Variants in ITPR2 observed in about 807,000 individuals in gnomAD.
ITPR2 encodes the protein inositol 1,4,5-trisphosphate receptor type 2.
ITPR2 carries 207 observed loss-of-function variants against 317.1 expected under a neutral mutation model. That is an observed-to-expected ratio of 0.65 (90% confidence interval 0.58 to 0.73). The LOEUF (loss-of-function observed/expected upper bound fraction) is 0.73, where lower values mean the gene tolerates loss of function less well. ITPR2 is among the 30% of genes least tolerant of loss of function. The probability of loss-of-function intolerance (pLI) is 0.00; values close to 1 mark genes in which losing one functional copy is unlikely to be tolerated. For synonymous variants in ITPR2, 1,156 were observed against 1,149.1 expected (o/e 1.01, Z -0.12); for missense variants, 2,613 against 3,284.0 (o/e 0.80, Z 4.99).
At chr12:26,522,332 C>T (rs573885969) in intron 37 of ITPR2, among the ~76,000 whole-genome samples, 92 of 152,176 alleles carry the variant, frequency 6.0e-4, no homozygotes, top group Middle Eastern at 3.2e-3. Flanking sequence ...CATGAAGTAG[C>T]CACCAATCCT....
At chr12:26,375,317 A>T (rs1220823379) in intron 55 of ITPR2, among the ~76,000 whole-genome samples, 3 of 152,230 alleles carry the variant, frequency 2.0e-5, no homozygotes, top group Non-Finnish European at 4.4e-5. Flanking sequence ...TAAGTCTAAA[A>T]TAAATGACTT....
chr12:26,459,795 C>T (rs1385985250), intron 45 of ITPR2, among the ~76,000 whole-genome samples: 1 of 152,200 alleles, frequency 6.6e-6, no homozygotes, highest in Non-Finnish European at 1.5e-5. Flanking sequence ...TGTCTCCGTA[C>T]ATCTATGCTC....
Position 26,656,333 on chromosome 12 carries a change from A to G in ITPR2, c.2408T>C (p.Leu803Pro). 6.2e-7 allele frequency: 1 copy of G among 1,614,196 alleles called. No individual in the cohort carries two copies. The highest frequency in any genetic ancestry group is 2.2e-5 in the East Asian group (1 of 44,880). ...GATCTTTGTGGGGATTTCTGTCCAGAGCCTGGCATAGCGAACAGGCACCAC... is the reference window on the plus strand; with the variant it reads ...GATCTTTGTGGGGATTTCTGTCCAGGGCCTGGCATAGCGAACAGGCACCAC... The part of the protein sequence containing the change: ...ESVVPVRYAR[L>P]WTEIPTKITI... Residue 803 changes from leucine to proline, a missense_variant, in exon 19 of 57, where the codon CTC becomes CCC. Around this residue, in one of 9 missense-constraint regions of ITPR2, gnomAD observed 817 missense variants for 897.6 expected, o/e 0.91. Coordinates refer to ENST00000381340, the MANE Select transcript of ITPR2 (RefSeq NM_002223.4).
chr12:26,815,686 T>C (rs1315989865), intron 1 of ITPR2, among the ~76,000 whole-genome samples: 1 of 152,082 alleles, frequency 6.6e-6, no homozygotes, highest in Non-Finnish European at 1.5e-5. Context: ...CTACCTGCAA[T>C]TGAGTAGCGT....
At chr12:26,621,356 AT>A in intron 25 of ITPR2, 60 bp from the exon 26 acceptor site, 1 of 1,333,090 alleles carries the variant, frequency 7.5e-7, no homozygotes, top group Non-Finnish European at 1.0e-6. Context: ...ATTTATGAAT[AT>A]TTTAGATGTA....
At position 26,773,998 on chromosome 12, in the gene ITPR2, T is replaced by TC. The variant is rs1949915549; in HGVS notation, c.163+16158_163+16159insG. The stretch of plus-strand genomic sequence containing the variant: ...ACTGGAGAATTTTTTTTTTTTTTTT[T>TC]TTTTTTTTTTTTAGTATAAAGCATG... On this transcript the variant is annotated intron_variant, in intron 2 of 56. Transcript: ENST00000381340. 2.1e-5 allele frequency among the ~76,000 whole-genome samples: 3 copies of TC among 142,756 alleles called. No homozygotes were observed. The South Asian group carries it at 6.7e-4, about 32-fold the overall frequency. The allele number at this position is 142,756 out of a possible 152,430, so 93.7% of individuals were successfully genotyped here.
chr12:26,461,068 T>C lies in ITPR2; in HGVS notation c.6342+14228A>G, dbSNP rs114536311. On this transcript the variant is annotated intron_variant, in intron 45 of 56. Transcript: ENST00000381340. The stretch of plus-strand genomic sequence containing the variant: ...TTTATGAGCAGGCTTCCACTGTCCA[T>C]AGAATGCTTAAATCACAGAACCACA... Among the ~76,000 whole-genome samples, 977 of 152,298 alleles carry C rather than the reference T, an allele frequency of 6.4e-3. 18 individuals are homozygous for C. The highest frequency in any genetic ancestry group is 0.022 in the African/African-American group (933 of 41,550).
intron 2 of ITPR2, among the ~76,000 whole-genome samples, chr12:26,771,575 T>A (rs369681001): frequency 6.6e-6 from 1 of 152,274 alleles, no homozygotes. Context: ...AGTGCAGCGG[T>A]GCGATCTCGG....
At chr12:26,406,432 T>G (rs1244845797) in intron 52 of ITPR2, 3 of 117,598 alleles carry the variant, frequency 2.6e-5, no homozygotes. Flanking sequence ...TATGAAGTTT[T>G]TTTTTTTTTT....
Position 26,790,128 on chromosome 12 carries a change from A to G in ITPR2, c.163+29T>C, listed in dbSNP as rs759958609. On this transcript the variant is annotated intron_variant, in intron 2 of 56. Coordinates refer to ENST00000381340, the MANE Select transcript of ITPR2 (RefSeq NM_002223.4). ...AAAATAATCCTCCCTCTTAGCTCAC[A>G]CAATTAAAAAAATATATGTATTTCT... 1.2e-5 allele frequency: 18 copies of G among 1,485,140 alleles called. No homozygotes were observed. The East Asian group carries it at 3.8e-4, about 32-fold the overall frequency. The allele number at this position is 1,485,140 out of a possible 1,614,324, so 92.0% of individuals were successfully genotyped here.
At chr12:26,590,823 T>G (rs1367103476) in intron 32 of ITPR2, among the ~76,000 whole-genome samples, 1 of 152,148 alleles carries the variant, frequency 6.6e-6, no homozygotes, top group Non-Finnish European at 1.5e-5. Flanking sequence ...CTCACGCCTG[T>G]AATCTTAGCA....
chr12:26,470,210 C>G (rs1038334476), intron 45 of ITPR2, among the ~76,000 whole-genome samples: 1 of 152,218 alleles, frequency 6.6e-6, no homozygotes, highest in South Asian at 2.1e-4. Flanking sequence ...TGCTGTTACA[C>G]TAAATTTTGG....
intron 9 of ITPR2, among the ~76,000 whole-genome samples, chr12:26,702,299 T>G (rs1948458031): frequency 6.6e-6 from 1 of 151,506 alleles, no homozygotes; most frequent in South Asian, 2.1e-4. Context: ...CTGTATTACT[T>G]CATGAGATCA....
chr12:26,342,755 G>A (rs1258693126), intron 55 of ITPR2, among the ~76,000 whole-genome samples: 1 of 152,072 alleles, frequency 6.6e-6, no homozygotes, highest in African/African-American at 2.4e-5. Context: ...GATTATAGGT[G>A]TGCGCCACCA....
intron 8 of ITPR2, among the ~76,000 whole-genome samples, chr12:26,711,570 T>G (rs1014224371): frequency 6.6e-6 from 1 of 152,178 alleles, no homozygotes; most frequent in African/African-American, 2.4e-5. Context: ...TCCCTTTGTT[T>G]TTCAAACATT....
chr12:26,695,015 A>G (rs1948312696), intron 10 of ITPR2, among the ~76,000 whole-genome samples: 1 of 152,196 alleles, frequency 6.6e-6, no homozygotes, highest in Non-Finnish European at 1.5e-5. Context: ...CAATGCAAAG[A>G]TACTGGCCAT....
At chr12:26,370,646 C>T (rs183738766) in intron 55 of ITPR2, among the ~76,000 whole-genome samples, 18 of 149,520 alleles carry the variant, frequency 1.2e-4, no homozygotes, top group African/African-American at 3.6e-4. Flanking sequence ...TTGGCAAACA[C>T]GAATTTATTT....
In ITPR2 at chr12:26,385,306, T is replaced by C. The variant is rs983222862; in HGVS notation, c.7857+2128A>G. On this transcript the variant is annotated intron_variant, in intron 55 of 56. Coordinates refer to ENST00000381340, the MANE Select transcript of ITPR2 (RefSeq NM_002223.4). ...AGAATTCTTCTCTGACCAGCTTGCC[T>C]CCCTAACAAAGATACCTTCTGAAAT... 1.2e-4 allele frequency among the ~76,000 whole-genome samples: 19 copies of C among 152,204 alleles called. No homozygotes were observed. The East Asian group carries it at 3.5e-3, about 28-fold the overall frequency.
intron 34 of ITPR2, among the ~76,000 whole-genome samples, chr12:26,576,993 T>G (rs1487120942): frequency 6.6e-6 from 1 of 152,194 alleles, no homozygotes; most frequent in Non-Finnish European, 1.5e-5. Context: ...TCACTCTCTC[T>G]CTCTCTCTTT....
Sources: gnomAD v4.1 joint callset for allele counts (sites outside exome capture counted in the v4.1 genomes callset) on GRCh38, gnomAD v4.1.1 for gene constraint, gnomAD v4.1.1 regional missense constraint, MANE v1.5 for transcripts, NCBI Gene and HGNC (gene_info 2026-07-23, HGNC 2026-07-21) for gene names.